Variants in COL15A1 observed in about 807,000 individuals in gnomAD.
The protein encoded by COL15A1 is collagen type XV alpha 1 chain, also known as collagen alpha-1(XV) chain.
In COL15A1, 111 loss-of-function variants were observed where a neutral mutation model predicts 165.9. That is an observed-to-expected ratio of 0.67 (90% CI 0.57 to 0.78). COL15A1 has a LOEUF of 0.78. Ranked by LOEUF, COL15A1 falls within the 30% of genes least tolerant of loss-of-function variation. The probability of loss-of-function intolerance (pLI) is 0.00; values close to 1 mark genes in which losing one functional copy is unlikely to be tolerated. For missense variants in COL15A1, 1,745 were observed against 1,789.7 expected (o/e 0.98, Z 0.45); for synonymous variants, 659 against 674.8 (o/e 0.98, Z 0.36).
At chr9:99,021,701 G>T (rs1056853113) in intron 12 of COL15A1, among the ~76,000 whole-genome samples, 7 of 152,236 alleles carry the variant, frequency 4.6e-5, no homozygotes, top group Non-Finnish European at 1.0e-4. Flanking sequence ...TCCTGTAAAG[G>T]TCACACGCCC....
At chr9:98,959,783 G>A (rs544895112) in intron 2 of COL15A1, among the ~76,000 whole-genome samples, 4 of 152,260 alleles carry the variant, frequency 2.6e-5, no homozygotes, top group South Asian at 4.2e-4. Context: ...GTGAGTCAGA[G>A]TAGCTTGTCT....
chr9:99,061,913 A>G (rs996035455), intron 36 of COL15A1, 58 bp from the exon 37 acceptor site: 8 of 1,565,118 alleles, frequency 5.1e-6, no homozygotes, highest in Admixed American at 3.8e-5. Flanking sequence ...CCAGGTTATC[A>G]GATGGTGCCA....
At chr9:99,052,333 T>C (rs756835493) in intron 30 of COL15A1, 55 bp from the exon 31 acceptor site, 68 of 1,367,502 alleles carry the variant, frequency 5.0e-5, no homozygotes, top group Non-Finnish European at 6.7e-5. Flanking sequence ...TGCCTGTTTC[T>C]GCAAACACCA....
intron 7 of COL15A1, among the ~76,000 whole-genome samples, chr9:99,001,229 G>A (rs1002986393): frequency 3.3e-5 from 5 of 152,062 alleles, no homozygotes; most frequent in Admixed American, 3.3e-4. Context: ...ATGCAACCCC[G>A]CCCTCCTGCT....
intron 12 of COL15A1, among the ~76,000 whole-genome samples, chr9:99,021,310 G>A (rs1413079071): frequency 6.6e-6 from 1 of 152,146 alleles, no homozygotes; most frequent in East Asian, 1.9e-4. Flanking sequence ...GGAGGGCGGT[G>A]TCCTCACTTC....
At chr9:98,974,158 A>T (rs1478156288) in intron 2 of COL15A1, among the ~76,000 whole-genome samples, 1 of 152,168 alleles carries the variant, frequency 6.6e-6, no homozygotes, top group Non-Finnish European at 1.5e-5. Context: ...CCTCAGTTCA[A>T]CATGAGAAAG....
At chr9:99,050,090 T>C (rs1447270619) in intron 30 of COL15A1, among the ~76,000 whole-genome samples, 195 bp downstream of exon 30, 1 of 152,246 alleles carries the variant, frequency 6.6e-6, no homozygotes, top group Non-Finnish European at 1.5e-5. Flanking sequence ...CTGGATCTTC[T>C]AAGGGTGCAC....
At chr9:98,970,368 G>C (rs1049668517) in intron 2 of COL15A1, among the ~76,000 whole-genome samples, 2 of 152,236 alleles carry the variant, frequency 1.3e-5, no homozygotes, top group Non-Finnish European at 2.9e-5. Context: ...CTAGGGAGAA[G>C]GTTTTACTGA....
intron 19 of COL15A1, 32 bp downstream of exon 19, chr9:99,035,450 G>A (rs1346095425): frequency 1.9e-6 from 3 of 1,613,496 alleles, no homozygotes; most frequent in Non-Finnish European, 2.5e-6. Context: ...CATTATGAGG[G>A]TTGTCACACT....
chr9:98,990,789 G>A (rs1838407308), intron 5 of COL15A1, among the ~76,000 whole-genome samples: 1 of 152,210 alleles, frequency 6.6e-6, no homozygotes, highest in Admixed American at 6.5e-5. Flanking sequence ...TGATACCACT[G>A]TGTACCTGGT....
intron 2 of COL15A1, among the ~76,000 whole-genome samples, chr9:98,983,872 T>C (rs2118879324): frequency 6.6e-6 from 1 of 152,328 alleles, no homozygotes; most frequent in South Asian, 2.1e-4. Flanking sequence ...TTCACACAGC[T>C]ACGTAGTTGT....
In COL15A1 at chr9:99,056,261, G is replaced by A. The variant is rs148392347; in HGVS notation, c.3194G>A (p.Gly1065Asp). The A allele has an allele frequency of 2.3e-5, 37 of 1,614,090 alleles. No homozygotes were observed. In the African/African-American group the frequency reaches 4.1e-4, roughly 18 times the overall value. ...PGLPGNPGPAGQKGETVVGPQ... is the reference protein window; with the variant it reads ...PGLPGNPGPADQKGETVVGPQ... ...GTTATTGTGTGCTTGCCTTGACAGGGCCAAAAAGGGGAGACAGTCGTTGGG... is the reference window on the plus strand; with the variant it reads ...GTTATTGTGTGCTTGCCTTGACAGGACCAAAAAGGGGAGACAGTCGTTGGG... Residue 1065 changes from glycine to aspartate, a missense_variant and splice_region_variant, in exon 35 of 42, where the codon GGC (glycine) becomes GAC (aspartate). Physicochemically the swap from Gly to Asp is moderately conservative, Grantham distance 94. Coordinates refer to ENST00000375001, the MANE Select transcript of COL15A1 (RefSeq NM_001855.5).
intron 5 of COL15A1, among the ~76,000 whole-genome samples, chr9:98,996,463 T>G (rs931883713): frequency 6.6e-5 from 10 of 152,284 alleles, no homozygotes; most frequent in Non-Finnish European, 1.5e-4. Context: ...GGAAAAGCTA[T>G]ATAGATGCTG....
intron 36 of COL15A1, among the ~76,000 whole-genome samples, 185 bp downstream of exon 36, chr9:99,060,138 A>T (rs1233731353): frequency 2.3e-5 from 3 of 133,254 alleles, no homozygotes; most frequent in African/African-American, 9.3e-5. Context: ...AAGTAAAAAG[A>T]CGTGAAAAAA....
chr9:98,992,169 C>T (rs756816523), intron 5 of COL15A1, among the ~76,000 whole-genome samples: 28 of 152,248 alleles, frequency 1.8e-4, no homozygotes, highest in Non-Finnish European at 3.5e-4. Context: ...GGGCGGTCCC[C>T]GTCAGGGAGG....
intron 2 of COL15A1, among the ~76,000 whole-genome samples, chr9:98,946,417 C>A (rs1000975162): frequency 6.6e-6 from 1 of 152,148 alleles, no homozygotes; most frequent in African/African-American, 2.4e-5. Context: ...ATGAGCCCCA[C>A]AATCTGAATG....
At chr9:99,055,830 C>A (rs548266591) in intron 34 of COL15A1, among the ~76,000 whole-genome samples, 1 of 152,318 alleles carries the variant, frequency 6.6e-6, no homozygotes, top group South Asian at 2.1e-4. Flanking sequence ...GCTGTGCCCC[C>A]AACAAGAATA....
At chr9:99,005,482 G>A (rs569464992) in intron 9 of COL15A1, among the ~76,000 whole-genome samples, 1 of 152,218 alleles carries the variant, frequency 6.6e-6, no homozygotes, top group South Asian at 2.1e-4. Flanking sequence ...CTGAAGGCAG[G>A]GCACATCATC....
At chr9:98,950,576 C>CTTCCTTCA (rs1464080052) in intron 2 of COL15A1, among the ~76,000 whole-genome samples, 1 of 118,778 alleles carries the variant, frequency 8.4e-6, no homozygotes, top group African/African-American at 3.2e-5. Flanking sequence ...TCCTTCCTTC[C>CTTCCTTCA]TTCCTTCCTT....
Sources: allele counts gnomAD v4.1 joint callset (sites outside exome capture counted in the v4.1 genomes callset), GRCh38; gene constraint gnomAD v4.1.1; transcripts MANE v1.5; gene names NCBI Gene and HGNC (gene_info 2026-07-23, HGNC 2026-07-21).